Variants in ZFYVE27 observed in about 807,000 individuals in gnomAD.
ZFYVE27 encodes protrudin.
ZFYVE27 carries 36 observed loss-of-function variants against 52.8 expected under a neutral mutation model. The observed-to-expected ratio is 0.68, with a 90% CI of 0.52 to 0.90. ZFYVE27 has a LOEUF of 0.90. Among genes scored for constraint, ZFYVE27 ranks in the 40% least tolerant of loss-of-function variants. The probability of loss-of-function intolerance (pLI) is 0.00; values close to 1 mark genes in which losing one functional copy is unlikely to be tolerated. For synonymous variants in ZFYVE27, 223 were observed against 215.6 expected (o/e 1.03, Z -0.30); for missense variants, 450 against 527.2 (o/e 0.85, Z 1.43).
Position 97,747,452 on chromosome 10 carries a change from G to A in ZFYVE27, c.456-817G>A, listed in dbSNP as rs7912072. 5.6e-3 allele frequency among the ~76,000 whole-genome samples: 846 copies of A among 152,246 alleles called. 8 individuals are homozygous for A. The highest frequency in any genetic ancestry group is 0.02 in the African/African-American group (823 of 41,542). On this transcript the variant is annotated intron_variant, in intron 4 of 12. Transcript: ENST00000684270. ...GCCTTAATCAGTTTATTACTATGAT[G>A]GTTGCAAAGATGATCTTCTAATTAT...
chr10:97,752,792 CTTCT>C, intron 8 of ZFYVE27, 61 bp from the exon 9 acceptor site: 1 of 1,586,650 alleles, frequency 6.3e-7, no homozygotes, highest in Admixed American at 1.8e-5. Context: ...CTCCAGGTAG[CTTCT>C]TTCTTCTTGC....
chr10:97,745,135 A>G (rs2044834755), intron 4 of ZFYVE27, among the ~76,000 whole-genome samples: 1 of 151,070 alleles, frequency 6.6e-6, no homozygotes, highest in Non-Finnish European at 1.5e-5. Flanking sequence ...AGCTGGGATG[A>G]GAATCTCGAT....
At chr10:97,747,860 C>T (rs2045893349) in intron 4 of ZFYVE27, among the ~76,000 whole-genome samples, 1 of 152,142 alleles carries the variant, frequency 6.6e-6, no homozygotes, top group Non-Finnish European at 1.5e-5. Context: ...AACCAGAACT[C>T]CCCAAGTGAG....
chr10:97,745,704 G>C (rs1271976899), intron 4 of ZFYVE27, among the ~76,000 whole-genome samples: 3 of 152,232 alleles, frequency 2.0e-5, no homozygotes, highest in Non-Finnish European at 4.4e-5. Flanking sequence ...TACTGGGGAA[G>C]TGTTGAGTAG....
At chr10:97,754,819 C>T in intron 10 of ZFYVE27, 1 of 1,288,688 alleles carries the variant, frequency 7.8e-7, no homozygotes. Flanking sequence ...TACTCTGGTC[C>T]AGCAAATAAT....
chr10:97,752,716 G>A (rs1349292194), intron 8 of ZFYVE27, 141 bp from the exon 9 acceptor site: 10 of 972,862 alleles, frequency 1.0e-5, no homozygotes, highest in Non-Finnish European at 1.6e-5. Flanking sequence ...GTCTGTCAAT[G>A]TCACCATTTG....
chr10:97,750,907 A>AT (rs1345123818), intron 7 of ZFYVE27, among the ~76,000 whole-genome samples: 1 of 151,580 alleles, frequency 6.6e-6, no homozygotes, highest in Non-Finnish European at 1.5e-5. Context: ...CGCCCAGCTA[A>AT]TTTTTTTGTA....
At position 97,751,400 on chromosome 10, in the gene ZFYVE27, C is replaced by G; in HGVS notation, c.814C>G (p.Pro272Ala). The G allele has an allele frequency of 6.2e-7, 1 of 1,613,938 alleles. No individual in the cohort carries two copies. Among genetic ancestry groups the G allele is most frequent in the South Asian group, 1.1e-5 (1 of 91,082 alleles). ...GAGTCTCTCTTCCCAGGACCTCACA[C>G]CGGGCAGCGTGGAGGAGGCTGAGGA... ...PALTPTEDLT[P>A]GSVEEAEEAE... Residue 272 changes from proline to alanine, a missense_variant, in exon 8 of 13, where the codon CCG becomes GCG. Pro to Ala is a conservative substitution (Grantham distance 27). Transcript: ENST00000684270.
chr10:97,753,081 C>G lies in ZFYVE27; in HGVS notation c.941C>G (p.Ala314Gly), dbSNP rs779442425. 6.2e-7 allele frequency: 1 copy of G among 1,611,596 alleles called. No individual in the cohort carries two copies. Among genetic ancestry groups the G allele is most frequent in the Non-Finnish European group, 8.5e-7 (1 of 1,179,044 alleles). ...CCGTGCCCAGCAGAGGATGAGCTGG[C>G]CCTGCAGGACAACGGGTTCCTGAGC... ...GAPCPAEDEL[A>G]LQDNGFLSKN... Residue 314 changes from alanine to glycine, a missense_variant, in exon 10 of 13, where the codon GCC (alanine) becomes GGC (glycine). Transcript: ENST00000684270.
intron 12 of ZFYVE27, among the ~76,000 whole-genome samples, chr10:97,758,882 A>C (rs2049085194): frequency 6.6e-6 from 1 of 151,958 alleles, no homozygotes; most frequent in South Asian, 2.1e-4. Context: ...CTTGGGTTCA[A>C]ACAATTCTTG....
At chr10:97,749,392 G>C (rs1432269511) in intron 5 of ZFYVE27, 82 bp from the exon 6 acceptor site, 8 of 1,005,026 alleles carry the variant, frequency 8.0e-6, no homozygotes, top group Non-Finnish European at 1.3e-5. Context: ...GTCTCACCTG[G>C]ACCCTGCTGT....
At chr10:97,758,212 G>T (rs1351811161) in intron 12 of ZFYVE27, 1 of 154,016 alleles carries the variant, frequency 6.5e-6, no homozygotes, top group East Asian at 1.9e-4. Context: ...GAACAATCGG[G>T]CATGGACCCT....
At chr10:97,749,952 C>A in intron 6 of ZFYVE27, 1 of 412,378 alleles carries the variant, frequency 2.4e-6, no homozygotes, top group Non-Finnish European at 4.5e-6. Context: ...TGTGTGATCC[C>A]AGAATACCCC....
chr10:97,750,545 C>G, intron 7 of ZFYVE27, 75 bp downstream of exon 7: 1 of 1,590,610 alleles, frequency 6.3e-7, no homozygotes, highest in Non-Finnish European at 8.5e-7. Context: ...TTTTTGGCTC[C>G]TGGGCTGGCC....
Position 97,759,531 on chromosome 10 carries a change from A to C in ZFYVE27, c.*231A>C. On this transcript the variant is annotated 3_prime_UTR_variant, in exon 13 of 13. Transcript: ENST00000684270. Reference sequence around the variant, plus strand: ...TCCCTTGAGGGAGAAGAGCCCCTGGAGGGCCTGGCATGTTTGTCCTGCTCT... The same window carrying C: ...TCCCTTGAGGGAGAAGAGCCCCTGGCGGGCCTGGCATGTTTGTCCTGCTCT... 1 of 608,478 alleles carries C rather than the reference A, an allele frequency of 1.6e-6. No individual in the cohort carries two copies. 37.7% of individuals were successfully genotyped at this position (608,478 alleles called of 1,614,324 possible).
chr10:97,745,718 T>C (rs145763537), intron 4 of ZFYVE27, among the ~76,000 whole-genome samples: 16 of 152,334 alleles, frequency 1.1e-4, no homozygotes, highest in African/African-American at 3.8e-4. Context: ...TGAGTAGATA[T>C]TAGTTATCAT....
At chr10:97,759,157 G>A (rs2049142857) in intron 12 of ZFYVE27, 79 bp from the exon 13 acceptor site, 1 of 1,513,878 alleles carries the variant, frequency 6.6e-7, no homozygotes, top group Admixed American at 1.7e-5. Context: ...TGGGGCATTT[G>A]GGAGGGTGCT....
At chr10:97,754,700 T>G in intron 10 of ZFYVE27, 1 of 1,289,426 alleles carries the variant, frequency 7.8e-7, no homozygotes, top group Non-Finnish European at 1.0e-6. Flanking sequence ...CTTGCACATG[T>G]GTGATCTCAT....
At chr10:97,738,779 C>T in intron 2 of ZFYVE27, 105 bp downstream of exon 2, 2 of 1,341,286 alleles carry the variant, frequency 1.5e-6, no homozygotes, top group South Asian at 2.4e-5. Flanking sequence ...TCCTTTCTGC[C>T]CTAGTGAGGA....
Sources: gnomAD v4.1 joint callset for allele counts (sites outside exome capture counted in the v4.1 genomes callset) on GRCh38, gnomAD v4.1.1 for gene constraint, MANE v1.5 for transcripts, NCBI Gene and HGNC (gene_info 2026-07-23, HGNC 2026-07-21) for gene names.